RBM33: variants seen among roughly 807,000 people sequenced by gnomAD.
The protein encoded by RBM33 is RNA binding motif protein 33.
RBM33 carries 28 observed loss-of-function variants against 132.6 expected under a neutral mutation model. The ratio of observed to expected loss-of-function variants is 0.21; its 90% CI spans 0.16 to 0.29. RBM33 has a LOEUF of 0.29. Ranked by LOEUF, RBM33 falls within the 10% of genes least tolerant of loss-of-function variation. The pLI, the probability that RBM33 is intolerant of heterozygous loss-of-function variation, is 1.00. For synonymous variants in RBM33, 634 were observed against 593.0 expected (o/e 1.07, Z -1.01); for missense variants, 1,291 against 1,518.5 (o/e 0.85, Z 2.49).
At chr7:155,700,738 C>T (rs1367465698) in intron 5 of RBM33, 35 bp from the exon 6 acceptor site, 19 of 1,430,382 alleles carry the variant, frequency 1.3e-5, no homozygotes, top group Non-Finnish European at 1.8e-5. Context: ...TATGAACTTA[C>T]TGTCCTTTTT....
At chr7:155,687,115 A>G (rs796991846) in intron 5 of RBM33, among the ~76,000 whole-genome samples, 3 of 152,132 alleles carry the variant, frequency 2.0e-5, no homozygotes, top group South Asian at 2.1e-4. Flanking sequence ...AAGTATTCCT[A>G]TTTGTCCACA....
At chr7:155,753,407 G>C (rs372174923) in intron 14 of RBM33, among the ~76,000 whole-genome samples, 1 of 152,252 alleles carries the variant, frequency 6.6e-6, no homozygotes, top group African/African-American at 2.4e-5. Flanking sequence ...CCTCCACCTT[G>C]TGAGTGTCAT....
At chr7:155,763,164 C>A (rs1284096910) in intron 14 of RBM33, among the ~76,000 whole-genome samples, 2 of 152,214 alleles carry the variant, frequency 1.3e-5, no homozygotes, top group East Asian at 3.8e-4. Context: ...TCTTGGAAAT[C>A]CACGTACTCT....
intron 10 of RBM33, 122 bp from the exon 11 acceptor site, chr7:155,737,938 A>T: frequency 1.1e-6 from 1 of 941,314 alleles, no homozygotes; most frequent in South Asian, 1.7e-5. Context: ...AATTGTTTCC[A>T]ACATTCATAA....
At chr7:155,665,658 CTT>C (rs558938854) in intron 2 of RBM33, among the ~76,000 whole-genome samples, 180 of 151,772 alleles carry the variant, frequency 1.2e-3, no homozygotes, top group African/African-American at 4.2e-3. Context: ...CTAATTTTAA[CTT>C]TCATTTTCCT....
chr7:155,678,910 G>C (rs889084624), intron 4 of RBM33, among the ~76,000 whole-genome samples: 1 of 152,210 alleles, frequency 6.6e-6, no homozygotes, highest in African/African-American at 2.4e-5. Flanking sequence ...TGTAGCTCGT[G>C]CCTATAAACC....
intron 16 of RBM33, among the ~76,000 whole-genome samples, chr7:155,769,706 C>T (rs1319749469): frequency 6.6e-6 from 1 of 151,628 alleles, no homozygotes; most frequent in African/African-American, 2.4e-5. Flanking sequence ...GTTCTGACTG[C>T]AGGAAGGCCT....
intron 5 of RBM33, among the ~76,000 whole-genome samples, chr7:155,682,978 AT>A (rs563473266): frequency 2.6e-5 from 4 of 151,060 alleles, no homozygotes; most frequent in Admixed American, 1.3e-4. Context: ...ATTAAAATGA[AT>A]TTTTTTTTCA....
intron 9 of RBM33, among the ~76,000 whole-genome samples, chr7:155,719,002 C>G (rs1800547658): frequency 6.6e-6 from 1 of 152,126 alleles, no homozygotes; most frequent in African/African-American, 2.4e-5. Flanking sequence ...TATACACACA[C>G]AGAAATGCAC....
intron 9 of RBM33, among the ~76,000 whole-genome samples, chr7:155,731,072 C>G (rs1036193825): frequency 4.6e-5 from 7 of 152,202 alleles, no homozygotes; most frequent in African/African-American, 1.4e-4. Context: ...GTCCTTTTCC[C>G]TGATCACAAC....
chr7:155,652,425 T>C (rs1798380656), intron 1 of RBM33, among the ~76,000 whole-genome samples: 1 of 152,260 alleles, frequency 6.6e-6, no homozygotes, highest in Non-Finnish European at 1.5e-5. Flanking sequence ...CAGGCCCTAC[T>C]TGGCCCATGG....
Position 155,667,089 on chromosome 7 carries a change from C to T in RBM33, c.122+1836C>T, listed in dbSNP as rs140073685. Among the ~76,000 whole-genome samples the T allele has an allele frequency of 1.1e-3, 163 of 152,274 alleles. 1 individual carries two copies. Among genetic ancestry groups the T allele is most frequent in the African/African-American group, 3.8e-3 (157 of 41,546 alleles). ...GGATATACTGTATATGTAAAATTTT[C>T]TTTCCTGTACCATTTGACAGTAGGT... On this transcript the variant is annotated intron_variant, in intron 2 of 17. Transcript: ENST00000401878.
chr7:155,738,308 T>C lies in RBM33; in HGVS notation c.1642T>C (p.Ser548Pro). 4 of 1,613,882 alleles carry C rather than the reference T, an allele frequency of 2.5e-6. No homozygotes were observed. The highest frequency in any genetic ancestry group is 3.4e-6 in the Non-Finnish European group (4 of 1,179,878). ...GATTCTGCACTTTAGCCAGCCTGGG[T>C]CGGCAACCACACGGCCCTTCATTCC... ...VGILHFSQPG[S>P]ATTRPFIPPR... The change falls in exon 11 of 18, where the codon TCG becomes CCG. Residue 548 changes from serine to proline, a missense_variant. This residue lies in a region of RBM33 where 841 missense variants were observed against 912.0 expected (regional missense o/e 0.92). Transcript: ENST00000401878.
chr7:155,690,824 T>G (rs529220813), intron 5 of RBM33, among the ~76,000 whole-genome samples: 1 of 152,354 alleles, frequency 6.6e-6, no homozygotes, highest in East Asian at 1.9e-4. Context: ...GTAGAGTTTC[T>G]GCTGAGATAT....
At position 155,738,258 on chromosome 7, in the gene RBM33, C is replaced by T. The variant is rs778574386; in HGVS notation, c.1592C>T (p.Ala531Val). ...CCAAGAGAGCGGCCCGTACGACCAG[C>T]CTTGCAGCCTCCAGGTCCGGTGGGG... ...VFPRERPVRP[A>V]LQPPGPVGIL... The change falls in exon 11 of 18, where the codon GCC becomes GTC. Residue 531 changes from alanine (A) to valine (V), a missense_variant. Transcript: ENST00000401878. 6.2e-7 allele frequency: 1 copy of T among 1,614,008 alleles called. No individual in the cohort carries two copies. Among genetic ancestry groups the T allele is most frequent in the Non-Finnish European group, 8.5e-7 (1 of 1,179,898 alleles).
intron 14 of RBM33, among the ~76,000 whole-genome samples, chr7:155,759,121 G>A (rs535886714): frequency 6.6e-6 from 1 of 152,320 alleles, no homozygotes; most frequent in South Asian, 2.1e-4. Flanking sequence ...ATCACATCAG[G>A]ACCCTTTCTT....
chr7:155,722,825 A>G (rs1197996747), intron 9 of RBM33, among the ~76,000 whole-genome samples: 1 of 152,238 alleles, frequency 6.6e-6, no homozygotes, highest in Non-Finnish European at 1.5e-5. Flanking sequence ...GTATTTTAAA[A>G]TAAGTTTAAA....
intron 1 of RBM33, among the ~76,000 whole-genome samples, chr7:155,656,420 C>T (rs1291064573): frequency 6.6e-6 from 1 of 152,194 alleles, no homozygotes; most frequent in Non-Finnish European, 1.5e-5. Flanking sequence ...TGCATTGCAG[C>T]CAGTCTTTAA....
intron 6 of RBM33, chr7:155,701,426 G>T (rs1449270097): frequency 1.2e-5 from 2 of 165,384 alleles, no homozygotes; most frequent in Admixed American, 6.0e-5. Flanking sequence ...AAGTTGACTC[G>T]TTTATAGAAA....
Sources: gnomAD v4.1 joint callset for allele counts (sites outside exome capture counted in the v4.1 genomes callset) on GRCh38, gnomAD v4.1.1 for gene constraint, gnomAD v4.1.1 regional missense constraint, MANE v1.5 for transcripts, NCBI Gene and HGNC (gene_info 2026-07-23, HGNC 2026-07-21) for gene names.